MTA3: variants seen among roughly 807,000 people sequenced by gnomAD.
MTA3 encodes the protein metastasis-associated protein MTA3.
MTA3 carries 34 observed loss-of-function variants against 83.5 expected under a neutral mutation model. The ratio of observed to expected loss-of-function variants is 0.41; its 90% CI spans 0.31 to 0.54. MTA3 has a LOEUF of 0.54. Among genes scored for constraint, MTA3 ranks in the 20% least tolerant of loss-of-function variants. The pLI, the probability that MTA3 is intolerant of heterozygous loss-of-function variation, is 0.33. For synonymous variants in MTA3, 303 were observed against 252.7 expected (o/e 1.20, Z -1.89); for missense variants, 761 against 726.4 (o/e 1.05, Z -0.55).
At chr2:42,541,898 G>A (rs1676532644) in intron 2 of MTA3, among the ~76,000 whole-genome samples, 1 of 152,128 alleles carries the variant, frequency 6.6e-6, no homozygotes, top group South Asian at 2.1e-4. Context: ...AGAGGGCTCT[G>A]TGGCTGTGAA....
At chr2:42,554,892 TA>T (rs1230957119) in intron 2 of MTA3, among the ~76,000 whole-genome samples, 1 of 152,084 alleles carries the variant, frequency 6.6e-6, no homozygotes, top group Admixed American at 6.6e-5. Context: ...TCCAGCTGAT[TA>T]AAAGGATAAT....
chr2:42,508,667 A>T (rs1674750774), intron 2 of MTA3, among the ~76,000 whole-genome samples: 1 of 151,540 alleles, frequency 6.6e-6, no homozygotes, highest in South Asian at 2.1e-4. Flanking sequence ...CCAATAACGT[A>T]GTTTCATTGA....
chr2:42,540,054 C>CG (rs371982952), intron 2 of MTA3, among the ~76,000 whole-genome samples: 2 of 151,944 alleles, frequency 1.3e-5, no homozygotes, highest in African/African-American at 4.8e-5. Flanking sequence ...TTTTAAATAA[C>CG]GGGGGAGGGA....
At chr2:42,553,392 C>G (rs1200563669) in intron 2 of MTA3, among the ~76,000 whole-genome samples, 2 of 146,238 alleles carry the variant, frequency 1.4e-5, no homozygotes, top group East Asian at 4.1e-4. Context: ...CCACTGCACT[C>G]CAGCCTGGGC....
intron 2 of MTA3, among the ~76,000 whole-genome samples, chr2:42,526,848 G>A (rs1365828054): frequency 6.6e-6 from 1 of 151,966 alleles, no homozygotes; most frequent in Non-Finnish European, 1.5e-5. Context: ...GAGGTCAAGA[G>A]ATCGAGACCA....
chr2:42,600,167 C>T (rs1469575011), intron 3 of MTA3, among the ~76,000 whole-genome samples: 1 of 152,122 alleles, frequency 6.6e-6, no homozygotes, highest in Non-Finnish European at 1.5e-5. Context: ...CACTGCACTC[C>T]AGCCTGGGCA....
At chr2:42,722,470 G>A (rs1041381141) in intron 15 of MTA3, among the ~76,000 whole-genome samples, 2 of 152,066 alleles carry the variant, frequency 1.3e-5, no homozygotes, top group Admixed American at 6.6e-5. Flanking sequence ...CAGAAAGTTC[G>A]CATACGTGAC....
chr2:42,505,369 G>A (rs986956171), intron 2 of MTA3, among the ~76,000 whole-genome samples: 1 of 152,082 alleles, frequency 6.6e-6, no homozygotes, highest in African/African-American at 2.4e-5. Flanking sequence ...TCCAGCCTAG[G>A]TGACAGAGTG....
chr2:42,545,220 G>A (rs1192446268), intron 2 of MTA3, among the ~76,000 whole-genome samples: 1 of 152,050 alleles, frequency 6.6e-6, no homozygotes, highest in Non-Finnish European at 1.5e-5. Flanking sequence ...TCTACCAAAA[G>A]TACAAAAATT....
chr2:42,586,164 C>A (rs1307813141), intron 3 of MTA3, among the ~76,000 whole-genome samples: 6 of 151,536 alleles, frequency 4.0e-5, no homozygotes, highest in Admixed American at 2.0e-4. Context: ...GTAATTCCAG[C>A]TGCTTGGGAG....
intron 2 of MTA3, among the ~76,000 whole-genome samples, chr2:42,546,116 A>G (rs903191746): frequency 2.6e-5 from 4 of 152,144 alleles, no homozygotes; most frequent in African/African-American, 9.7e-5. Context: ...GGAGGGAGGG[A>G]GGACCTTAGA....
intron 4 of MTA3, among the ~76,000 whole-genome samples, chr2:42,639,541 C>T (rs1003626878): frequency 6.6e-6 from 1 of 152,114 alleles, no homozygotes; most frequent in African/African-American, 2.4e-5. Context: ...AGTTTCCAAG[C>T]TCAGATCAAA....
chr2:42,657,358 AACT>A (rs1689264004), intron 7 of MTA3, among the ~76,000 whole-genome samples: 1 of 152,154 alleles, frequency 6.6e-6, no homozygotes, highest in Non-Finnish European at 1.5e-5. Flanking sequence ...CCCATCACCT[AACT>A]ACTAAGTGAC....
At chr2:42,578,138 T>TATA (rs1297516863) in intron 2 of MTA3, among the ~76,000 whole-genome samples, 31 of 152,224 alleles carry the variant, frequency 2.0e-4, no homozygotes, top group Non-Finnish European at 3.8e-4. Context: ...CTTCTTTGTA[T>TATA]TTGAGTATAT....
At chr2:42,567,504 C>T (rs1404623485), upstream of MTA3, among the ~76,000 whole-genome samples, 2 of 152,222 alleles carry the variant, frequency 1.3e-5, no homozygotes, top group African/African-American at 4.8e-5. Flanking sequence ...TATCACCACA[C>T]ATTCCAAACA....
intron 3 of MTA3, among the ~76,000 whole-genome samples, chr2:42,594,722 A>ATTTTTT (rs1573130009): frequency 2.9e-5 from 1 of 34,756 alleles, no homozygotes; most frequent in Non-Finnish European, 4.6e-5. Flanking sequence ...ATATATATAT[A>ATTTTTT]TATATATTTT....
At chr2:42,606,445 C>T (rs1347754851) in intron 3 of MTA3, among the ~76,000 whole-genome samples, 1 of 150,434 alleles carries the variant, frequency 6.6e-6, no homozygotes, top group Non-Finnish European at 1.5e-5. Flanking sequence ...GAGGCGCTCC[C>T]CACATCTCAG....
chr2:42,609,567 G>A lies in MTA3; in HGVS notation c.300G>A (p.Leu100=), dbSNP rs1237568797. The change falls in exon 4 of 17, where the codon CTG becomes CTA. Residue 100 remains leucine, a synonymous_variant. Transcript: ENST00000405094. The part of the protein sequence containing the change: ...ELFLSRQYES[L]PATHIRGKCS... ...TTTTGTCACGCCAGTATGAATCTCT[G>A]CCCGCAACACATATCAGGTAAGAAC... The A allele has an allele frequency of 6.2e-7, 1 of 1,613,712 alleles. No individual in the cohort carries two copies. Among genetic ancestry groups the A allele is most frequent in the South Asian group, 1.1e-5 (1 of 91,064 alleles).
At chr2:42,624,644 G>T (rs1186612113) in intron 4 of MTA3, among the ~76,000 whole-genome samples, 1 of 152,044 alleles carries the variant, frequency 6.6e-6, no homozygotes, top group Non-Finnish European at 1.5e-5. Context: ...TGTTTTTAAT[G>T]TGTATTAACT....
Sources: gnomAD v4.1 joint callset for allele counts (sites outside exome capture counted in the v4.1 genomes callset) on GRCh38, gnomAD v4.1.1 for gene constraint, MANE v1.5 for transcripts, NCBI Gene and HGNC (gene_info 2026-07-23, HGNC 2026-07-21) for gene names.